Variants in MED21 observed in about 807,000 individuals in gnomAD.
MED21 encodes mediator of RNA polymerase II transcription subunit 21.
In MED21, 9 loss-of-function variants were observed where a neutral mutation model predicts 18.2. The ratio of observed to expected loss-of-function variants is 0.49; its 90% CI spans 0.30 to 0.86. The LOEUF (loss-of-function observed/expected upper bound fraction) is 0.86, where lower values mean the gene tolerates loss of function less well. Among genes scored for constraint, MED21 ranks in the 40% least tolerant of loss-of-function variants. MED21 has a pLI of 0.07. For missense variants in MED21, 150 were observed against 170.9 expected (o/e 0.88, Z 0.68); for synonymous variants, 73 against 60.5 (o/e 1.21, Z -0.96).
At chr12:27,038,268 G>C (rs1048598952) in intron 2 of MED21, 1 of 151,222 alleles carries the variant, frequency 6.6e-6, no homozygotes, top group South Asian at 2.1e-4. Context: ...AGAAAAACAC[G>C]TTGTTTTTTT....
At position 27,030,488 on chromosome 12, in the gene MED21, T is replaced by G; in HGVS notation, c.*2027T>G. On this transcript the variant is annotated 3_prime_UTR_variant, in exon 4 of 4. Transcript: ENST00000282892. ...TTTCAAAAGCATTAATAAATTAAGGTGGAATACTAAAAAAGATTCAGGTAA... is the reference window on the plus strand; with the variant it reads ...TTTCAAAAGCATTAATAAATTAAGGGGGAATACTAAAAAAGATTCAGGTAA... 1 of 311,040 alleles carries G rather than the reference T, an allele frequency of 3.2e-6. No homozygotes were observed. 19.3% of individuals were successfully genotyped at this position (311,040 alleles called of 1,614,324 possible).
chr12:27,028,659 G>A lies in MED21; in HGVS notation c.*198G>A. On this transcript the variant is annotated 3_prime_UTR_variant, in exon 4 of 4. Transcript: ENST00000282892. ...AAATCATGATTGAATCAGCTTTAAA[G>A]CATCATACCATCATTTTTTAACTGA... 8.0e-7 allele frequency: 1 copy of A among 1,247,284 alleles called. No individual in the cohort carries two copies. The highest frequency in any genetic ancestry group is 1.0e-6 in the Non-Finnish European group (1 of 991,552). The allele number at this position is 1,247,284 out of a possible 1,614,324, so 77.3% of individuals were successfully genotyped here. A position where few individuals can be genotyped will look rare whatever the true frequency, so the allele number is the denominator to read the frequency against.
downstream of MED21, among the ~76,000 whole-genome samples, chr12:27,031,223 G>A (rs1018325839): frequency 3.9e-5 from 6 of 152,220 alleles, no homozygotes; most frequent in Non-Finnish European, 5.9e-5. Context: ...CAATTTCAAT[G>A]GGAGTATCCT....
rs888286185 is a variant in MED21, at chr12:27,029,479, T to C, written c.*1018T>C. ...TTTAACTAGCTATTTCCTGGGGCTG[T>C]ATTTTTCAGAATATGCTGAGCTACA... On this transcript the variant is annotated 3_prime_UTR_variant, in exon 4 of 4. Transcript: ENST00000282892. 13 of 985,366 alleles carry C rather than the reference T, an allele frequency of 1.3e-5. No individual in the cohort carries two copies. The African/African-American group carries it at 2.3e-4, about 17-fold the overall frequency. 61.0% of individuals were successfully genotyped at this position (985,366 alleles called of 1,614,324 possible).
rs909423374 is a variant in MED21 at position 27,029,630 on chromosome 12, A to G, written c.*1169A>G. The G allele has an allele frequency of 4.1e-6, 4 of 985,342 alleles. No individual in the cohort carries two copies. The African/African-American group carries it at 5.2e-5, about 13-fold the overall frequency. The allele number at this position is 985,342 out of a possible 1,614,324, so 61.0% of individuals were successfully genotyped here. A position where few individuals can be genotyped will look rare whatever the true frequency, so the allele number is the denominator to read the frequency against. On this transcript the variant is annotated 3_prime_UTR_variant, in exon 4 of 4. Coordinates refer to ENST00000282892, the MANE Select transcript of MED21 (RefSeq NM_004264.5). Reference sequence around the variant, plus strand: ...AGTTCTTGAAAAGTACTATGTTTCAAATTTCAGGAACACCAGCGTTAGCTG... The same window carrying G: ...AGTTCTTGAAAAGTACTATGTTTCAGATTTCAGGAACACCAGCGTTAGCTG...
In MED21 at chr12:27,026,495, A is replaced by G. The variant is rs1199179251; in HGVS notation, c.118A>G (p.Thr40Ala). ...TCCTGCCTCTTTCAATAATATTCAG[A>G]CAGCAATTAACAAAGACCAGCCAGC... ...GPPASFNNIQ[T>A]AINKDQPANP... Residue 40 changes from threonine (T) to alanine (A), a missense_variant, in exon 2 of 4, where the codon ACA becomes GCA. Transcript: ENST00000282892. 1.2e-6 allele frequency: 2 copies of G among 1,613,786 alleles called. No homozygotes were observed. Among genetic ancestry groups the G allele is most frequent in the Admixed American group, 1.7e-5 (1 of 59,984 alleles).
chr12:27,031,315 C>T (rs141691435), downstream of MED21, among the ~76,000 whole-genome samples: 1,175 of 152,172 alleles, frequency 7.7e-3, 4 homozygotes, highest in Non-Finnish European at 0.013. Context: ...TTTTTAAAGC[C>T]TTAATGAAGA....
At position 27,029,875 on chromosome 12, in the gene MED21, A is replaced by T. The variant is rs1481824457; in HGVS notation, c.*1414A>T. On this transcript the variant is annotated 3_prime_UTR_variant, in exon 4 of 4. Coordinates refer to ENST00000282892, the MANE Select transcript of MED21 (RefSeq NM_004264.5). ...AAAGGTACAAAGAGAAAAGGTCAAGACATTTTTCAAATGAGGGAAAACTAA... is the reference window on the plus strand; with the variant it reads ...AAAGGTACAAAGAGAAAAGGTCAAGTCATTTTTCAAATGAGGGAAAACTAA... 4 of 971,172 alleles carry T rather than the reference A, an allele frequency of 4.1e-6. No homozygotes were observed. The African/African-American group carries it at 6.9e-5, about 17-fold the overall frequency. The allele number at this position is 971,172 out of a possible 1,614,324, so 60.2% of individuals were successfully genotyped here.
intron 3 of MED21, 31 bp from the exon 4 acceptor site, chr12:27,028,254 C>CTA: frequency 6.4e-7 from 1 of 1,560,108 alleles, no homozygotes; most frequent in South Asian, 1.2e-5. Context: ...TTTCTAAACT[C>CTA]TAAAGATTTT....
chr12:27,023,739 G>A (rs936798111), intron 1 of MED21, among the ~76,000 whole-genome samples: 16 of 152,182 alleles, frequency 1.1e-4, no homozygotes, highest in Non-Finnish European at 2.9e-5. Context: ...GCCAGAGGAT[G>A]CGCAGTCATG....
chr12:27,028,937 G>A lies in MED21; in HGVS notation c.*476G>A, dbSNP rs142133025. 5 of 985,522 alleles carry A rather than the reference G, an allele frequency of 5.1e-6. No homozygotes were observed. The African/African-American group carries it at 8.7e-5, about 17-fold the overall frequency. The allele number at this position is 985,522 out of a possible 1,614,324, so 61.0% of individuals were successfully genotyped here. ...TTTGAGCAAGAAAGTTTTGGAAATT[G>A]TGTTGCTTTTAAGAAATAGAGTTAG... On this transcript the variant is annotated 3_prime_UTR_variant, in exon 4 of 4. Transcript: ENST00000282892.
At position 27,029,965 on chromosome 12, in the gene MED21, A is replaced by C. The variant is rs909357032; in HGVS notation, c.*1504A>C. 4.0e-6 allele frequency: 1 copy of C among 247,434 alleles called. No individual in the cohort carries two copies. Among genetic ancestry groups the C allele is most frequent in the Non-Finnish European group, 6.4e-6 (1 of 155,154 alleles). 15.3% of individuals were successfully genotyped at this position (247,434 alleles called of 1,614,324 possible). On this transcript the variant is annotated 3_prime_UTR_variant, in exon 4 of 4. Coordinates refer to ENST00000282892, the MANE Select transcript of MED21 (RefSeq NM_004264.5). ...AGGGAAGCTTTTTAAAAAGAAGGGA[A>C]GTTATAGCAGAAGGAAACTTAGAAT... is the stretch of plus-strand genomic sequence containing the variant.
In MED21 at chr12:27,028,720, A is replaced by G; in HGVS notation, c.*259A>G. On this transcript the variant is annotated 3_prime_UTR_variant, in exon 4 of 4. Coordinates refer to ENST00000282892, the MANE Select transcript of MED21 (RefSeq NM_004264.5). Reference sequence around the variant, plus strand: ...TAAGGCATGTAATACATTAATGAACATAATATAAGGAAACATATGTAAAAT... The same window carrying G: ...TAAGGCATGTAATACATTAATGAACGTAATATAAGGAAACATATGTAAAAT... The G allele has an allele frequency of 9.0e-7, 1 of 1,111,808 alleles. No homozygotes were observed. The highest frequency in any genetic ancestry group is 4.0e-5 in the South Asian group (1 of 25,090). 68.9% of individuals were successfully genotyped at this position (1,111,808 alleles called of 1,614,324 possible).
rs745681385 is a variant in MED21, at chr12:27,030,477, A to G, written c.*2016A>G. 5.4e-5 allele frequency: 18 copies of G among 331,220 alleles called. No homozygotes were observed. The highest frequency in any genetic ancestry group is 9.7e-5 in the Non-Finnish European group (18 of 185,568). The allele number at this position is 331,220 out of a possible 1,614,324, so 20.5% of individuals were successfully genotyped here. ...CTACAGATTATTTTCAAAAGCATTA[A>G]TAAATTAAGGTGGAATACTAAAAAA... On this transcript the variant is annotated 3_prime_UTR_variant, in exon 4 of 4. Transcript: ENST00000282892.
downstream of MED21, among the ~76,000 whole-genome samples, chr12:27,032,631 CCTT>C (rs1371731860): frequency 7.9e-5 from 12 of 152,306 alleles, no homozygotes; most frequent in African/African-American, 2.4e-4. Context: ...AGAAATCCCT[CCTT>C]CTTGTTACAT....
chr12:27,023,300 C>CTTTTCTTTTTTTT (rs1555110746), intron 1 of MED21, among the ~76,000 whole-genome samples: 5 of 110,436 alleles, frequency 4.5e-5, no homozygotes, highest in African/African-American at 1.8e-4. Context: ...TTTTTCTTTT[C>CTTTTCTTTTTTTT]TTTTTTTTTT....
intron 1 of MED21, among the ~76,000 whole-genome samples, chr12:27,024,139 A>G (rs186601035): frequency 6.6e-6 from 1 of 152,334 alleles, no homozygotes; most frequent in East Asian, 1.9e-4. Flanking sequence ...CAATGGGTGT[A>G]CTTATTACCA....
At chr12:27,026,575 A>G (rs1442438393) in intron 2 of MED21, 41 bp downstream of exon 2, 3 of 1,226,804 alleles carry the variant, frequency 2.4e-6, no homozygotes, top group South Asian at 1.2e-5. Context: ...TGACTCTCAC[A>G]TTTTTTGTAA....
In MED21 at chr12:27,028,672, A is replaced by G. The variant is rs1187133236; in HGVS notation, c.*211A>G. On this transcript the variant is annotated 3_prime_UTR_variant, in exon 4 of 4. Coordinates refer to ENST00000282892, the MANE Select transcript of MED21 (RefSeq NM_004264.5). Reference sequence around the variant, plus strand: ...ATCAGCTTTAAAGCATCATACCATCATTTTTTAACTGAGTGAAATTATTAA... The same window carrying G: ...ATCAGCTTTAAAGCATCATACCATCGTTTTTTAACTGAGTGAAATTATTAA... 8.2e-7 allele frequency: 1 copy of G among 1,219,498 alleles called. No individual in the cohort carries two copies. Among genetic ancestry groups the G allele is most frequent in the African/African-American group, 1.5e-5 (1 of 65,354 alleles). The allele number at this position is 1,219,498 out of a possible 1,614,324, so 75.5% of individuals were successfully genotyped here. A position where few individuals can be genotyped will look rare whatever the true frequency, so the allele number is the denominator to read the frequency against.
Sources: allele counts gnomAD v4.1 joint callset (sites outside exome capture counted in the v4.1 genomes callset), GRCh38; gene constraint gnomAD v4.1.1; transcripts MANE v1.5; gene names NCBI Gene and HGNC (gene_info 2026-07-23, HGNC 2026-07-21).